The following PCDH11X variants were observed in gnomAD, a reference collection of about 807,000 sequenced individuals.
PCDH11X encodes the protein protocadherin 11 X-linked.
In PCDH11X, 18 loss-of-function variants were observed where a neutral mutation model predicts 53.3. The observed-to-expected ratio is 0.34, with a 90% CI of 0.23 to 0.50. The LOEUF (loss-of-function observed/expected upper bound fraction) is 0.50. Among genes scored for constraint, PCDH11X ranks in the 20% least tolerant of loss-of-function variants. The pLI is 0.98. For synonymous variants in PCDH11X, 279 were observed against 393.3 expected (o/e 0.71, Z 3.44); for missense variants, 570 against 1,032.4 (o/e 0.55, Z 6.14).
chrX:91,883,158 A>G, intron 6 of PCDH11X: 2 of 968,671 alleles, frequency 2.1e-6, no homozygotes, highest in Non-Finnish European at 2.6e-6. Flanking sequence ...TGGAAGAGAC[A>G]GTGCAGCACA....
chrX:92,006,371 G>A (rs1157480989), intron 6 of PCDH11X, among the ~76,000 whole-genome samples: 3 of 104,999 alleles, frequency 2.9e-5, no homozygotes, highest in Admixed American at 1.1e-4. Flanking sequence ...TCTTCTGCTT[G>A]ATCAATTCTG....
intron 10 of PCDH11X, among the ~76,000 whole-genome samples, chrX:92,483,304 G>A (rs1270783094): frequency 9.8e-6 from 1 of 102,302 alleles, no homozygotes; most frequent in Non-Finnish European, 2.0e-5. Flanking sequence ...TTGTGACACC[G>A]GGCTTGTTTG....
At chrX:92,171,703 G>T (rs1298246124) in intron 6 of PCDH11X, among the ~76,000 whole-genome samples, 1 of 111,034 alleles carries the variant, frequency 9.0e-6, no homozygotes, top group Non-Finnish European at 1.9e-5. Context: ...CAGGTGAGCT[G>T]CCTGCCTCAG....
chrX:92,129,694 A>G (rs1431469801), intron 6 of PCDH11X, among the ~76,000 whole-genome samples: 1 of 111,388 alleles, frequency 9.0e-6, no homozygotes, highest in Non-Finnish European at 1.9e-5. Context: ...CTGTTTTCTC[A>G]GATTCCTGTA....
intron 8 of PCDH11X, among the ~76,000 whole-genome samples, chrX:92,311,121 A>G (rs1214634749): frequency 9.0e-6 from 1 of 111,401 alleles, no homozygotes; most frequent in Admixed American, 9.6e-5. Context: ...TAAGAACAAT[A>G]GAAATGTAAA....
Position 92,326,637 on chromosome X carries a change from TATAG to T in PCDH11X, c.3145-61096_3145-61093del, listed in dbSNP as rs1479383414. ...TTTTAATAAACTATATATATATATA[TATAG>T]AGAGAGAGAGAGAGAGAGAGAGAAA... On this transcript the variant is annotated intron_variant, in intron 8 of 10. Coordinates refer to ENST00000682573, the MANE Select transcript of PCDH11X (RefSeq NM_032968.5). Among the ~76,000 whole-genome samples, 42 of 50,054 alleles carry T rather than the reference TATAG, an allele frequency of 8.4e-4. 12 individuals carry two copies. The highest frequency in any genetic ancestry group is 5.1e-3 in the South Asian group (3 of 593). The allele number at this position is 50,054 out of a possible 115,157, so 43.5% of individuals were successfully genotyped here.
intron 6 of PCDH11X, among the ~76,000 whole-genome samples, chrX:92,105,138 C>T (rs71201610): frequency 8.1e-5 from 9 of 111,151 alleles, no homozygotes; most frequent in African/African-American, 1.6e-4. Context: ...TTTGGGTTCA[C>T]GGATAAAACA....
At chrX:92,154,454 ACT>A (rs2065492156) in intron 6 of PCDH11X, among the ~76,000 whole-genome samples, 2 of 106,455 alleles carry the variant, frequency 1.9e-5, no homozygotes, top group South Asian at 4.2e-4. Flanking sequence ...GGGCAGGGAA[ACT>A]CTGCGTAGAG....
intron 6 of PCDH11X, among the ~76,000 whole-genome samples, chrX:91,899,042 G>A (rs762738134): frequency 2.1e-4 from 23 of 111,281 alleles, no homozygotes; most frequent in African/African-American, 7.2e-4. Context: ...GTTCTCTAGA[G>A]GGACAGAACC....
At chrX:91,905,222 C>T (rs768027291) in intron 6 of PCDH11X, among the ~76,000 whole-genome samples, 1 of 108,562 alleles carries the variant, frequency 9.2e-6, no homozygotes, top group African/African-American at 3.3e-5. Context: ...CTCAACCTCC[C>T]AGGCTCAACC....
intron 6 of PCDH11X, among the ~76,000 whole-genome samples, chrX:91,990,936 C>T (rs2062312786): frequency 1.0e-5 from 1 of 97,665 alleles, no homozygotes; most frequent in East Asian, 3.4e-4. Context: ...AAGAAGGGCA[C>T]CTCCTTACTA....
chrX:92,545,826 A>G (rs1227965770), intron 10 of PCDH11X, among the ~76,000 whole-genome samples: 1 of 109,658 alleles, frequency 9.1e-6, no homozygotes. Flanking sequence ...ATTAGTTTAA[A>G]GGTGTGATTA....
At chrX:92,551,990 T>A (rs2074965285) in intron 10 of PCDH11X, among the ~76,000 whole-genome samples, 1 of 9,857 alleles carries the variant, frequency 1.0e-4, no homozygotes, top group South Asian at 3.9e-3. Flanking sequence ...ATTCCTCTGG[T>A]TTTTTTTTTT....
chrX:92,553,945 AT>A (rs2075004556), intron 10 of PCDH11X, among the ~76,000 whole-genome samples: 1 of 111,425 alleles, frequency 9.0e-6, no homozygotes. Flanking sequence ...TCAGCATCTC[AT>A]TCTCCATTAT....
intron 10 of PCDH11X, among the ~76,000 whole-genome samples, chrX:92,496,980 T>C (rs1275969958): frequency 9.0e-6 from 1 of 111,183 alleles, no homozygotes; most frequent in Non-Finnish European, 1.9e-5. Flanking sequence ...CACTCTGAGA[T>C]ATTTGTGTTA....
At chrX:92,415,115 C>T (rs752044391) in intron 9 of PCDH11X, among the ~76,000 whole-genome samples, 1 of 111,050 alleles carries the variant, frequency 9.0e-6, no homozygotes, top group African/African-American at 3.3e-5. Context: ...ACAATTTCAC[C>T]TTTTGTTTTT....
intron 8 of PCDH11X, among the ~76,000 whole-genome samples, chrX:92,378,124 T>C (rs1451351267): frequency 4.5e-4 from 45 of 99,986 alleles, no homozygotes; most frequent in African/African-American, 1.5e-3. Context: ...CCCATAATGA[T>C]TTCAAATGCC....
At chrX:92,533,642 C>G (rs1468179336) in intron 10 of PCDH11X, among the ~76,000 whole-genome samples, 1 of 104,101 alleles carries the variant, frequency 9.6e-6, no homozygotes, top group Admixed American at 1.1e-4. Context: ...TTATTATTTG[C>G]TAATTTGCTC....
intron 6 of PCDH11X, among the ~76,000 whole-genome samples, chrX:91,952,071 C>T (rs1005193624): frequency 5.4e-5 from 6 of 110,820 alleles, no homozygotes; most frequent in African/African-American, 2.0e-4. Flanking sequence ...AAAACATCCT[C>T]TACCTCTCTG....
Sources: allele counts gnomAD v4.1 joint callset (sites outside exome capture counted in the v4.1 genomes callset), GRCh38; gene constraint gnomAD v4.1.1; transcripts MANE v1.5; gene names NCBI Gene and HGNC (gene_info 2026-07-23, HGNC 2026-07-21).